LARGE1: variants seen among roughly 807,000 people sequenced by gnomAD.
The protein encoded by LARGE1 is xylosyl- and glucuronyltransferase LARGE1.
In LARGE1, 43 loss-of-function variants were observed where a neutral mutation model predicts 87.6. The ratio of observed to expected loss-of-function variants is 0.49; its 90% CI spans 0.38 to 0.63. The LOEUF (loss-of-function observed/expected upper bound fraction) is 0.63, where lower values mean the gene tolerates loss of function less well. Among genes scored for constraint, LARGE1 ranks in the 30% least tolerant of loss-of-function variants. The pLI is 0.00. For missense variants in LARGE1, 802 were observed against 1,000.2 expected (o/e 0.80, Z 2.67); for synonymous variants, 434 against 394.6 (o/e 1.10, Z -1.18).
intron 5 of LARGE1, among the ~76,000 whole-genome samples, chr22:33,579,802 G>A (rs565798746): frequency 6.6e-6 from 1 of 152,170 alleles, no homozygotes; most frequent in Non-Finnish European, 1.5e-5. Flanking sequence ...GTGCAATCAA[G>A]CCTGAGGTAC....
At chr22:33,350,998 C>T (rs141600163) in intron 9 of LARGE1, among the ~76,000 whole-genome samples, 1 of 152,322 alleles carries the variant, frequency 6.6e-6, no homozygotes, top group Non-Finnish European at 1.5e-5. Context: ...AGTCACTCTT[C>T]CATTAGCCTT....
chr22:33,507,103 C>A (rs952989685), intron 6 of LARGE1, among the ~76,000 whole-genome samples: 1 of 152,084 alleles, frequency 6.6e-6, no homozygotes, highest in Non-Finnish European at 1.5e-5. Flanking sequence ...AGTAAACACC[C>A]CCCAACCCCT....
At chr22:33,635,434 G>A (rs148434675) in intron 3 of LARGE1, among the ~76,000 whole-genome samples, 5 of 152,180 alleles carry the variant, frequency 3.3e-5, no homozygotes, top group African/African-American at 4.8e-5. Flanking sequence ...TCTCAGACAC[G>A]GTGTTGTCCT....
chr22:33,738,297 A>G (rs1423585390), intron 2 of LARGE1, among the ~76,000 whole-genome samples: 1 of 152,156 alleles, frequency 6.6e-6, no homozygotes, highest in African/African-American at 2.4e-5. Context: ...GGAGTTAAAT[A>G]GATCCTAGGA....
At chr22:33,342,806 C>T (rs1011110869) in intron 9 of LARGE1, among the ~76,000 whole-genome samples, 7 of 152,036 alleles carry the variant, frequency 4.6e-5, no homozygotes, top group Admixed American at 4.6e-4. Context: ...GAGTGGATGG[C>T]GAGGTCTTAG....
intron 11 of LARGE1, among the ~76,000 whole-genome samples, chr22:33,193,121 G>C (rs761331361): frequency 6.6e-6 from 1 of 151,770 alleles, no homozygotes; most frequent in African/African-American, 2.4e-5. Flanking sequence ...TAATACTCTG[G>C]ATGCAATGAG....
chr22:33,077,677 T>C, the LARGE1 span, among the ~76,000 whole-genome samples: 14 of 152,346 alleles, frequency 9.2e-5, no homozygotes, highest in East Asian at 2.7e-3. Context: ...AATTAGCATG[T>C]AGATCCTAAA....
chr22:33,259,745 G>A (rs1482559487), intron 11 of LARGE1, among the ~76,000 whole-genome samples: 1 of 152,178 alleles, frequency 6.6e-6, no homozygotes, highest in Non-Finnish European at 1.5e-5. Flanking sequence ...CTGGTGTGAT[G>A]AAGTTCCACT....
chr22:33,447,266 A>G (rs538555513), intron 6 of LARGE1, among the ~76,000 whole-genome samples: 17 of 152,338 alleles, frequency 1.1e-4, no homozygotes, highest in African/African-American at 4.1e-4. Flanking sequence ...GAGCAGGTGG[A>G]AATCAAGCAT....
chr22:33,263,344 G>C (rs529966226), intron 11 of LARGE1, among the ~76,000 whole-genome samples: 2 of 152,188 alleles, frequency 1.3e-5, no homozygotes, highest in Non-Finnish European at 2.9e-5. Context: ...GGGATATCAC[G>C]CATGTGATTA....
intron 2 of LARGE1, among the ~76,000 whole-genome samples, chr22:33,729,962 G>C (rs1278679070): frequency 6.6e-6 from 1 of 152,114 alleles, no homozygotes; most frequent in African/African-American, 2.4e-5. Flanking sequence ...CCCTCATGAA[G>C]TGTGTGTGTG....
chr22:33,873,609 G>A (rs2064372640), intron 1 of LARGE1, among the ~76,000 whole-genome samples: 2 of 152,070 alleles, frequency 1.3e-5, no homozygotes, highest in Non-Finnish European at 1.5e-5. Flanking sequence ...ATAGAACCTG[G>A]GAAACAGCCA....
rs537597848 is a variant in LARGE1 at position 33,261,610 on chromosome 22, GA to G, written c.1730+42618del. ...ATAATACAAAACAAAAATCAAAAAAGAAAAAAAAAAAGACCAAAACCAGCAC... is the reference window on the plus strand; with the variant it reads ...ATAATACAAAACAAAAATCAAAAAAGAAAAAAAAAAGACCAAAACCAGCAC... On this transcript the variant is annotated intron_variant, in intron 11 of 11. Coordinates refer to the LARGE1 transcript ENST00000608642. Among the ~76,000 whole-genome samples the G allele has an allele frequency of 1.6e-3, 227 of 144,940 alleles. 1 individual carries two copies. Among genetic ancestry groups the G allele is most frequent in the African/African-American group, 3.9e-3 (157 of 40,124 alleles).
intron 11 of LARGE1, among the ~76,000 whole-genome samples, chr22:33,183,616 ACACG>A (rs778854898): frequency 9.6e-4 from 94 of 97,880 alleles, no homozygotes; most frequent in Admixed American, 1.8e-3. Flanking sequence ...ACACACACAC[ACACG>A]CACACACACA....
chr22:33,285,745 G>C (rs1339774441), intron 12 of LARGE1, among the ~76,000 whole-genome samples: 1 of 152,346 alleles, frequency 6.6e-6, no homozygotes, highest in South Asian at 2.1e-4. Flanking sequence ...GTGCAAAGAG[G>C]AATCATACCA....
chr22:33,641,579 T>C (rs757781920), intron 3 of LARGE1, among the ~76,000 whole-genome samples: 51 of 151,830 alleles, frequency 3.4e-4, no homozygotes, highest in Admixed American at 1.3e-4. Flanking sequence ...AATAACAAAC[T>C]CCTCTGAGCT....
intron 2 of LARGE1, among the ~76,000 whole-genome samples, chr22:33,699,004 G>C (rs576021841): frequency 6.6e-6 from 1 of 152,164 alleles, no homozygotes; most frequent in African/African-American, 2.4e-5. Context: ...AAGAGTGAAC[G>C]AATGCCTGCC....
Position 33,225,556 on chromosome 22 carries a change from T to C in LARGE1, c.1731-58724A>G, listed in dbSNP as rs113881516. The stretch of plus-strand genomic sequence containing the variant: ...CTCTTTTTTTCTTTTTATTTCTTTA[T>C]TTTCTTTCTTTTTTTAAACTTTTAT... On this transcript the variant is annotated intron_variant, in intron 11 of 11. Transcript: ENST00000608642. Among the ~76,000 whole-genome samples the C allele has an allele frequency of 4.8e-3, 736 of 152,288 alleles. 8 individuals carry two copies. The highest frequency in any genetic ancestry group is 0.017 in the African/African-American group (696 of 41,560).
intron 6 of LARGE1, among the ~76,000 whole-genome samples, chr22:33,538,293 A>G (rs1041145339): frequency 6.6e-6 from 1 of 152,196 alleles, no homozygotes. Context: ...AGCAATGGCC[A>G]TATTACTTTG....
Sources: allele counts gnomAD v4.1 joint callset (sites outside exome capture counted in the v4.1 genomes callset), GRCh38; gene constraint gnomAD v4.1.1; transcripts MANE v1.5; gene names NCBI Gene and HGNC (gene_info 2026-07-23, HGNC 2026-07-21).